FBXL17: variants seen among roughly 807,000 people sequenced by gnomAD.
FBXL17 encodes the protein F-box and leucine rich repeat protein 17.
A neutral mutation model predicts 66.2 loss-of-function variants in FBXL17; 22 were observed. The observed-to-expected ratio is 0.33, with a 90% CI of 0.24 to 0.47. The LOEUF is 0.47. Among genes scored for constraint, FBXL17 ranks in the 20% least tolerant of loss-of-function variants. The pLI is 1.00. For missense variants in FBXL17, 878 were observed against 948.2 expected, an observed-to-expected ratio of 0.93 and a Z score of 0.97; for synonymous variants, 474 against 400.5, an observed-to-expected ratio of 1.18 and a Z score of -2.19.
At chr5:108,260,048 A>G (rs1303008053) in intron 4 of FBXL17, among the ~76,000 whole-genome samples, 3 of 150,834 alleles carry the variant, frequency 2.0e-5, no homozygotes, top group South Asian at 4.2e-4. Flanking sequence ...AAAAAAACCT[A>G]TGTACGTTGA....
At chr5:108,163,487 G>A (rs1323956413) in intron 6 of FBXL17, among the ~76,000 whole-genome samples, 1 of 142,698 alleles carries the variant, frequency 7.0e-6, no homozygotes, top group East Asian at 2.2e-4. Flanking sequence ...TGCAAGCTCC[G>A]CCTCCCGGGT....
intron 7 of FBXL17, among the ~76,000 whole-genome samples, chr5:107,897,452 A>G (rs1263202257): frequency 6.6e-6 from 1 of 152,002 alleles, no homozygotes; most frequent in Non-Finnish European, 1.5e-5. Context: ...GGATAATGAC[A>G]ACCCTTTTTC....
At chr5:107,920,227 A>C (rs75911247) in intron 7 of FBXL17, among the ~76,000 whole-genome samples, 2 of 152,158 alleles carry the variant, frequency 1.3e-5, no homozygotes, top group Non-Finnish European at 2.9e-5. Context: ...TTTTTGAGAC[A>C]GAGTCTCGCT....
chr5:108,315,432 ATTAT>A (rs1361156063), intron 4 of FBXL17, among the ~76,000 whole-genome samples: 8 of 151,488 alleles, frequency 5.3e-5, no homozygotes, highest in Admixed American at 2.0e-4. Flanking sequence ...CAATCAATAC[ATTAT>A]TTATTAAAGA....
Position 108,045,167 on chromosome 5 carries a change from C to T in FBXL17, c.1746-24166G>A, listed in dbSNP as rs181908217. Among the ~76,000 whole-genome samples, 5 of 152,220 alleles carry T rather than the reference C, an allele frequency of 3.3e-5. No individual in the cohort carries two copies. In the East Asian group the frequency reaches 9.6e-4, roughly 29 times the overall value. On this transcript the variant is annotated intron_variant, in intron 6 of 8. Coordinates refer to ENST00000542267, the MANE Select transcript of FBXL17 (RefSeq NM_001163315.3). The stretch of plus-strand genomic sequence containing the variant: ...TCTTTATAATTTCTTTCCGGCCAGG[C>T]GTGGTGACTGACGCCTATAATCCCA...
intron 6 of FBXL17, among the ~76,000 whole-genome samples, chr5:108,140,699 C>T (rs1156324460): frequency 6.6e-6 from 1 of 152,148 alleles, no homozygotes; most frequent in Non-Finnish European, 1.5e-5. Flanking sequence ...GCTCAGATTT[C>T]TCTCCCAGGT....
At position 107,860,559 on chromosome 5, in the gene FBXL17, G is replaced by A. The variant is rs1748094452; in HGVS notation, c.*1161C>T. ...TGCTTATTTCTGACAAGTGTAAACA[G>A]AATTTCAATGAACAGATTTTCTAAT... On this transcript the variant is annotated 3_prime_UTR_variant, in exon 9 of 9. Transcript: ENST00000542267. 1 of 152,588 alleles carries A rather than the reference G, an allele frequency of 6.6e-6. No homozygotes were observed. Among genetic ancestry groups the A allele is most frequent in the African/African-American group, 2.4e-5 (1 of 41,448 alleles). 9.5% of individuals were successfully genotyped at this position (152,588 alleles called of 1,614,324 possible). A position where few individuals can be genotyped will look rare whatever the true frequency, so the allele number is the denominator to read the frequency against.
chr5:108,168,601 A>G (rs1259727743), intron 6 of FBXL17, among the ~76,000 whole-genome samples: 1 of 152,204 alleles, frequency 6.6e-6, no homozygotes, highest in African/African-American at 2.4e-5. Context: ...AGTTTGCTCT[A>G]TCTAAATGCT....
At chr5:108,260,230 G>A (rs1208535656) in intron 4 of FBXL17, among the ~76,000 whole-genome samples, 2 of 152,032 alleles carry the variant, frequency 1.3e-5, no homozygotes, top group African/African-American at 4.8e-5. Context: ...GTAATATGGG[G>A]CAGCTTAAGG....
intron 5 of FBXL17, 148 bp from the exon 6 acceptor site, chr5:108,186,395 A>G: frequency 3.3e-6 from 2 of 612,354 alleles, no homozygotes; most frequent in Non-Finnish European, 5.5e-6. Context: ...GATATTGTAT[A>G]TGTAATATTT....
chr5:108,166,214 G>A (rs1160625733), intron 6 of FBXL17, among the ~76,000 whole-genome samples: 1 of 152,114 alleles, frequency 6.6e-6, no homozygotes, highest in East Asian at 1.9e-4. Context: ...ATCAAATTTG[G>A]AGAGCTGCCA....
intron 6 of FBXL17, among the ~76,000 whole-genome samples, chr5:108,071,140 C>T (rs967714562): frequency 1.3e-5 from 2 of 152,178 alleles, no homozygotes; most frequent in African/African-American, 4.8e-5. Context: ...CTATCAGGTA[C>T]AGGTTGCATT....
At chr5:107,871,057 CA>C (rs201752049) in intron 8 of FBXL17, among the ~76,000 whole-genome samples, 64 of 65,898 alleles carry the variant, frequency 9.7e-4, no homozygotes, top group Middle Eastern at 0.01. Context: ...TCTTGGGCGG[CA>C]AAAAAAAAAA....
intron 5 of FBXL17, among the ~76,000 whole-genome samples, chr5:108,219,706 A>G (rs1754767219): frequency 6.6e-6 from 1 of 152,044 alleles, no homozygotes; most frequent in South Asian, 2.1e-4. Context: ...TTAAAAAAAA[A>G]GATGTTCATA....
chr5:108,125,218 T>C (rs944015101), intron 6 of FBXL17, among the ~76,000 whole-genome samples: 1 of 152,048 alleles, frequency 6.6e-6, no homozygotes, highest in Admixed American at 6.6e-5. Flanking sequence ...ACCCCATTTA[T>C]CTTGATGTGA....
intron 7 of FBXL17, among the ~76,000 whole-genome samples, chr5:108,017,246 A>C (rs1191789549): frequency 1.3e-5 from 2 of 152,214 alleles, no homozygotes; most frequent in Non-Finnish European, 2.9e-5. Context: ...ATCTACGACA[A>C]GAAGGCAAAT....
intron 3 of FBXL17, among the ~76,000 whole-genome samples, chr5:108,361,321 G>C (rs966639318): frequency 4.6e-5 from 7 of 152,208 alleles, no homozygotes; most frequent in African/African-American, 1.4e-4. Context: ...GGATGCCAAA[G>C]CTTAAAAACA....
chr5:108,224,219 G>C lies in FBXL17; in HGVS notation c.1516C>G (p.Gln506Glu), dbSNP rs760095126. 3 of 1,588,860 alleles carry C rather than the reference G, an allele frequency of 1.9e-6. No individual in the cohort carries two copies. Among genetic ancestry groups the C allele is most frequent in the East Asian group, 2.2e-5 (1 of 44,608 alleles). Residue 506 changes from glutamine (Q) to glutamate (E), a missense_variant, in exon 5 of 9, where the codon CAG becomes GAG. By Grantham distance (29) the Gln-to-Glu change is conservative (BLOSUM62 2). This residue lies in a region of FBXL17 where 236 missense variants were observed against 389.1 expected (regional missense o/e 0.61). Coordinates refer to ENST00000542267, the MANE Select transcript of FBXL17 (RefSeq NM_001163315.3). ...TGTTCAGCAAATGCTTTCACTGACT[G>C]ATCTGTCACCTAGGGAAAAGACATG... is the stretch of plus-strand genomic sequence containing the variant. Reference protein sequence around the residue: ...YMQENKLVTDQSVKAFAEHCP... With the variant: ...YMQENKLVTDESVKAFAEHCP...
rs766608138 is a variant in FBXL17 at position 108,364,726 on chromosome 5, G to T, written c.1374+12C>A. The T allele has an allele frequency of 8.2e-6, 13 of 1,582,848 alleles. No homozygotes were observed. The highest frequency in any genetic ancestry group is 8.6e-6 in the Non-Finnish European group (10 of 1,161,984). ...ATTCAAGTAAAATCACTTTATAAATGCTAAAATTTACCTGCTTGAGTCCTT... is the reference window on the plus strand; with the variant it reads ...ATTCAAGTAAAATCACTTTATAAATTCTAAAATTTACCTGCTTGAGTCCTT... On this transcript the variant is annotated intron_variant, in intron 3 of 8. Coordinates refer to ENST00000542267, the MANE Select transcript of FBXL17 (RefSeq NM_001163315.3).
Sources: allele counts gnomAD v4.1 joint callset (sites outside exome capture counted in the v4.1 genomes callset), GRCh38; gene constraint gnomAD v4.1.1; regional missense constraint gnomAD v4.1.1; transcripts MANE v1.5; gene names NCBI Gene and HGNC (gene_info 2026-07-23, HGNC 2026-07-21).